The following SDK1 variants were observed in gnomAD, a reference collection of about 807,000 sequenced individuals.
The protein encoded by SDK1 is sidekick cell adhesion molecule 1.
A neutral mutation model predicts 245.5 loss-of-function variants in SDK1; 157 were observed. The observed-to-expected ratio is 0.64, with a 90% confidence interval of 0.56 to 0.73. The LOEUF is 0.73. Ranked by LOEUF, SDK1 falls within the 30% of genes least tolerant of loss-of-function variation. SDK1 has a pLI of 0.00. For synonymous variants in SDK1, 1,647 were observed against 1,278.5 expected, an observed-to-expected ratio of 1.29 and a Z score of -6.15; for missense variants, 3,583 against 3,002.3, an observed-to-expected ratio of 1.19 and a Z score of -4.52.
intron 1 of SDK1, among the ~76,000 whole-genome samples, chr7:3,309,847 A>G (rs565550839): frequency 1.3e-5 from 2 of 152,308 alleles, no homozygotes; most frequent in East Asian, 1.9e-4. Flanking sequence ...CCTTGTAGGC[A>G]TATTCCCTTT....
intron 4 of SDK1, among the ~76,000 whole-genome samples, chr7:3,785,415 C>T (rs1447737202): frequency 6.6e-6 from 1 of 152,108 alleles, no homozygotes; most frequent in African/African-American, 2.4e-5. Context: ...AATTATTCCA[C>T]ATTTTATTAA....
At chr7:4,012,846 GGATTACAGGCGT>G (rs1179517477) in intron 16 of SDK1, among the ~76,000 whole-genome samples, 3 of 151,942 alleles carry the variant, frequency 2.0e-5, no homozygotes, top group Non-Finnish European at 4.4e-5. Context: ...TCCTCAGCTG[GGATTACAGGCGT>G]GAGGCACTGC....
intron 18 of SDK1, among the ~76,000 whole-genome samples, chr7:4,050,585 C>A (rs1208789139): frequency 1.3e-5 from 2 of 152,166 alleles, no homozygotes; most frequent in African/African-American, 2.4e-5. Flanking sequence ...CACACACCTA[C>A]GTAATGCTGC....
rs11975595 is a variant in SDK1, at chr7:3,408,903, G to A, written c.298+107019G>A. Among the ~76,000 whole-genome samples, 6 of 152,034 alleles carry A rather than the reference G, an allele frequency of 3.9e-5. 1 individual carries two copies. The highest frequency in any genetic ancestry group is 1.2e-4 in the African/African-American group (5 of 41,378). ...GTATTTATTTAGCATTTGCAGTTTC[G>A]AAATAATTAAACAATGCTGATGTAC... is the stretch of plus-strand genomic sequence containing the variant. On this transcript the variant is annotated intron_variant, in intron 1 of 44. Transcript: ENST00000404826.
At chr7:3,400,237 C>T (rs938993607) in intron 1 of SDK1, among the ~76,000 whole-genome samples, 2 of 152,194 alleles carry the variant, frequency 1.3e-5, no homozygotes, top group East Asian at 1.9e-4. Context: ...ATGCCATGAA[C>T]CAAGCCTTTC....
At chr7:4,249,792 C>T (rs975527540) in intron 44 of SDK1, among the ~76,000 whole-genome samples, 3 of 152,266 alleles carry the variant, frequency 2.0e-5, no homozygotes, top group Non-Finnish European at 2.9e-5. Context: ...CAGAGGGAAC[C>T]GGGGACTTAG....
Position 3,693,089 on chromosome 7 carries a change from CTT to C in SDK1, c.713+50985_713+50986del. ...GATGCCATATTATATATTAATATGACTTAATATCTTATGTAATAGTGTAGACA... is the reference window on the plus strand; with the variant it reads ...GATGCCATATTATATATTAATATGACAATATCTTATGTAATAGTGTAGACA... On this transcript the variant is annotated intron_variant, in intron 4 of 44. Transcript: ENST00000404826. Among the ~76,000 whole-genome samples, 4 of 151,864 alleles carry C rather than the reference CTT, an allele frequency of 2.6e-5. 1 individual carries two copies. The Middle Eastern group carries it at 0.014, about 517-fold the overall frequency.
chr7:3,563,153 C>A (rs986854230), intron 1 of SDK1, among the ~76,000 whole-genome samples: 8 of 151,550 alleles, frequency 5.3e-5, no homozygotes, highest in Non-Finnish European at 1.0e-4. Context: ...TTTAAACCAG[C>A]AGAAGAAAAT....
intron 20 of SDK1, among the ~76,000 whole-genome samples, chr7:4,076,009 G>A (rs933582893): frequency 7.9e-5 from 12 of 152,130 alleles, no homozygotes; most frequent in East Asian, 5.8e-4. Flanking sequence ...ATAAATTTTC[G>A]TCATGAGGCC....
intron 9 of SDK1, 77 bp from the exon 10 acceptor site, chr7:3,967,241 G>A (rs541761855): frequency 5.5e-5 from 62 of 1,132,368 alleles, no homozygotes; most frequent in Middle Eastern, 2.1e-4. Context: ...TCTAAAGCCC[G>A]TGCAGGATAC....
intron 4 of SDK1, among the ~76,000 whole-genome samples, chr7:3,722,607 G>A (rs878911599): frequency 1.3e-5 from 2 of 152,188 alleles, no homozygotes; most frequent in South Asian, 4.1e-4. Context: ...TTAGCACGCT[G>A]CACAATTCCG....
At chr7:3,726,884 A>T (rs1218682798) in intron 4 of SDK1, among the ~76,000 whole-genome samples, 1 of 152,238 alleles carries the variant, frequency 6.6e-6, no homozygotes, top group Non-Finnish European at 1.5e-5. Context: ...TGTGTAGTCC[A>T]TTAGGGTGTA....
chr7:3,901,239 T>A (rs1263105429), intron 5 of SDK1, among the ~76,000 whole-genome samples: 2 of 151,898 alleles, frequency 1.3e-5, no homozygotes, highest in Non-Finnish European at 2.9e-5. Context: ...CAAGCTGGAG[T>A]GTGGTGGCAC....
intron 4 of SDK1, among the ~76,000 whole-genome samples, chr7:3,648,212 C>T (rs1283626528): frequency 2.0e-5 from 3 of 152,078 alleles, no homozygotes; most frequent in East Asian, 1.9e-4. Flanking sequence ...ATGTGAATAT[C>T]GATGCCATGC....
intron 1 of SDK1, among the ~76,000 whole-genome samples, chr7:3,579,619 A>G (rs1173034103): frequency 6.6e-6 from 1 of 152,210 alleles, no homozygotes; most frequent in Admixed American, 6.5e-5. Context: ...GGCTGAAGAC[A>G]AGGATGCCCT....
chr7:4,105,313 CGTTT>C (rs1180303889), intron 22 of SDK1, among the ~76,000 whole-genome samples: 1 of 146,724 alleles, frequency 6.8e-6, no homozygotes, highest in Non-Finnish European at 1.5e-5. Flanking sequence ...TTTGTTTGTT[CGTTT>C]GTTTGTTTTA....
intron 1 of SDK1, among the ~76,000 whole-genome samples, chr7:3,465,228 C>G (rs865955790): frequency 6.6e-6 from 1 of 152,136 alleles, no homozygotes; most frequent in East Asian, 1.9e-4. Context: ...ATTCTGGGCT[C>G]AAGCAGAGGC....
In SDK1 at chr7:4,114,236, C is replaced by T. The variant is rs1162571409; in HGVS notation, c.3785C>T (p.Pro1262Leu). ...MQAFNAVGAGPWSEVVRGRTR... is the reference protein window; with the variant it reads ...MQAFNAVGAGLWSEVVRGRTR... ...GCCTTCAACGCCGTCGGGGCTGGGC[C>T]GTGGAGCGAGGTGGTGCGGGGCCGG... Residue 1262 changes from proline to leucine, a missense_variant, in exon 25 of 45, where the codon CCG (proline) becomes CTG (leucine). Pro to Leu is a moderately conservative substitution (Grantham distance 98). Transcript: ENST00000404826. 1.2e-6 allele frequency: 2 copies of T among 1,612,368 alleles called. No homozygotes were observed. Among genetic ancestry groups the T allele is most frequent in the Non-Finnish European group, 1.7e-6 (2 of 1,179,600 alleles).
At chr7:4,256,002 C>T (rs1437547393) in intron 44 of SDK1, among the ~76,000 whole-genome samples, 2 of 148,738 alleles carry the variant, frequency 1.3e-5, no homozygotes, top group African/African-American at 5.1e-5. Flanking sequence ...TCACTGCAAC[C>T]TCTGCCTTCT....
Sources: gnomAD v4.1 joint callset for allele counts (sites outside exome capture counted in the v4.1 genomes callset) on GRCh38, gnomAD v4.1.1 for gene constraint, MANE v1.5 for transcripts, NCBI Gene and HGNC (gene_info 2026-07-23, HGNC 2026-07-21) for gene names.